The following TNRC6B variants were observed in gnomAD, a reference collection of about 807,000 sequenced individuals.
TNRC6B encodes trinucleotide repeat-containing gene 6B protein.
Under a neutral mutation model 203.6 loss-of-function variants are expected in TNRC6B, and 52 were observed. The ratio of observed to expected loss-of-function variants is 0.26; its 90% CI spans 0.20 to 0.32. The LOEUF is 0.32. Ranked by LOEUF, TNRC6B falls within the 10% of genes least tolerant of loss-of-function variation. TNRC6B has a pLI of 1.00. For missense variants in TNRC6B, 1,923 were observed against 2,286.2 expected (o/e 0.84, Z 3.24); for synonymous variants, 838 against 845.7 (o/e 0.99, Z 0.16).
intron 1 of TNRC6B, among the ~76,000 whole-genome samples, chr22:40,054,723 T>C (rs766861283): frequency 1.3e-5 from 2 of 152,178 alleles, no homozygotes; most frequent in Non-Finnish European, 2.9e-5. Flanking sequence ...AGAAAGAGAA[T>C]TTAAAATAGA....
intron 1 of TNRC6B, among the ~76,000 whole-genome samples, chr22:40,049,293 C>G (rs908205988): frequency 6.6e-6 from 1 of 151,900 alleles, no homozygotes; most frequent in African/African-American, 2.4e-5. Context: ...TCCCAAAGTG[C>G]TAGGACACGG....
intron 3 of TNRC6B, among the ~76,000 whole-genome samples, chr22:40,146,304 G>C (rs1263247096): frequency 1.3e-5 from 2 of 152,190 alleles, no homozygotes; most frequent in African/African-American, 2.4e-5. Context: ...CAGCTGGGCT[G>C]GTAGGGGAAG....
At chr22:40,111,492 C>A (rs1395938596) in intron 1 of TNRC6B, among the ~76,000 whole-genome samples, 1 of 152,114 alleles carries the variant, frequency 6.6e-6, no homozygotes, top group Non-Finnish European at 1.5e-5. Flanking sequence ...GAAGCTATGC[C>A]AGAAGCAGGG....
In TNRC6B at chr22:40,310,784, T is replaced by C. The variant is rs745611884; in HGVS notation, c.4259-33T>C. The C allele has an allele frequency of 2.0e-5, 32 of 1,590,596 alleles. No individual in the cohort carries two copies. The East Asian group carries it at 4.3e-4, about 21-fold the overall frequency. On this transcript the variant is annotated intron_variant, in intron 16 of 22. Transcript: ENST00000454349. ...AGACAAGTTCTATTCATAGGAGTTA[T>C]TCTGGATGATTTAATTTCCTCTCTT...
chr22:40,278,128 T>C (rs1390298820), intron 9 of TNRC6B, 84 bp downstream of exon 9: 1 of 1,037,902 alleles, frequency 9.6e-7, no homozygotes, highest in Non-Finnish European at 1.5e-6. Context: ...TGATTAGGGA[T>C]AGGTGCAGTT....
intron 4 of TNRC6B, among the ~76,000 whole-genome samples, chr22:40,165,342 A>G (rs2068909964): frequency 6.6e-6 from 1 of 151,628 alleles, no homozygotes; most frequent in African/African-American, 2.4e-5. Context: ...ATGCCTGGCT[A>G]ATTTTTTTGT....
rs548519283 is a variant in TNRC6B, at chr22:40,240,344, G to A, written c.6-5671G>A. On this transcript the variant is annotated intron_variant, in intron 1 of 22. Coordinates refer to ENST00000454349, the MANE Select transcript of TNRC6B (RefSeq NM_001162501.2). ...CCTGCACAGTACCTCCCACACATTCGTCCCCTGCAGAGGCAATATTAAACC... is the reference window on the plus strand; with the variant it reads ...CCTGCACAGTACCTCCCACACATTCATCCCCTGCAGAGGCAATATTAAACC... 7.8e-4 allele frequency among the ~76,000 whole-genome samples: 118 copies of A among 152,148 alleles called. 1 individual carries two copies. The highest frequency in any genetic ancestry group is 2.5e-3 in the African/African-American group (103 of 41,504).
intron 15 of TNRC6B, among the ~76,000 whole-genome samples, chr22:40,306,518 G>C (rs772094077): frequency 2.6e-5 from 4 of 152,160 alleles, no homozygotes; most frequent in Non-Finnish European, 5.9e-5. Flanking sequence ...CCTTGGCCTG[G>C]TTTTCTCAAA....
At position 40,251,203 on chromosome 22, in the gene TNRC6B, A is replaced by G. The variant is rs1279052046; in HGVS notation, c.115+3A>G. 17 of 1,531,694 alleles carry G rather than the reference A, an allele frequency of 1.1e-5. No homozygotes were observed. The highest frequency in any genetic ancestry group is 1.4e-5 in the Non-Finnish European group (16 of 1,135,658). 94.9% of individuals were successfully genotyped at this position (1,531,694 alleles called of 1,614,324 possible). On this transcript the variant is annotated splice_donor_region_variant and intron_variant, in intron 3 of 22. Coordinates refer to ENST00000454349, the MANE Select transcript of TNRC6B (RefSeq NM_001162501.2). ...GGTCACGGAACAAAAAACCAAAGGTAAGATCTTTTTTTTCTTTTTAAATTA... is the reference window on the plus strand; with the variant it reads ...GGTCACGGAACAAAAAACCAAAGGTGAGATCTTTTTTTTCTTTTTAAATTA...
At chr22:40,247,434 T>G (rs2070123947) in intron 2 of TNRC6B, among the ~76,000 whole-genome samples, 1 of 152,218 alleles carries the variant, frequency 6.6e-6, no homozygotes, top group Non-Finnish European at 1.5e-5. Context: ...TAACTCAATT[T>G]TTTGAATTAT....
At chr22:40,060,537 A>G (rs2067840739) in intron 1 of TNRC6B, among the ~76,000 whole-genome samples, 1 of 152,200 alleles carries the variant, frequency 6.6e-6, no homozygotes. Flanking sequence ...ATTTTATTGT[A>G]CCAAAGAATA....
intron 1 of TNRC6B, among the ~76,000 whole-genome samples, chr22:40,181,981 C>A (rs1315023777): frequency 4.0e-5 from 6 of 150,300 alleles, no homozygotes; most frequent in Admixed American, 1.3e-4. Context: ...CGTGGTGGCT[C>A]ACGCCTGTAA....
At chr22:40,257,439 G>A (rs570014130) in intron 3 of TNRC6B, among the ~76,000 whole-genome samples, 7 of 152,282 alleles carry the variant, frequency 4.6e-5, no homozygotes, top group South Asian at 2.1e-4. Context: ...AATGGAGGAC[G>A]GGCACGGTAG....
In TNRC6B at chr22:40,045,724, C is replaced by T. The variant is rs187276592; in HGVS notation, c.-121+726C>T. On this transcript the variant is annotated intron_variant, in intron 1 of 23. Coordinates refer to the TNRC6B transcript ENST00000301923. ...CCCGTGGTCCGGTGCCCTTCAGTTCCAGACTACCGGTTTATTCGGCTGTAG... is the reference window on the plus strand; with the variant it reads ...CCCGTGGTCCGGTGCCCTTCAGTTCTAGACTACCGGTTTATTCGGCTGTAG... 1.5e-3 allele frequency: 230 copies of T among 152,352 alleles called. 1 individual carries two copies. Among genetic ancestry groups the T allele is most frequent in the African/African-American group, 5.3e-3 (219 of 41,580 alleles). 9.4% of individuals were successfully genotyped at this position (152,352 alleles called of 1,614,324 possible). A position where few individuals can be genotyped will look rare whatever the true frequency, so the allele number is the denominator to read the frequency against.
At chr22:40,262,913 T>C (rs1262489356) in intron 4 of TNRC6B, among the ~76,000 whole-genome samples, 9 of 151,714 alleles carry the variant, frequency 5.9e-5, no homozygotes, top group African/African-American at 1.7e-4. Flanking sequence ...GGTGGCGGGC[T>C]CCTGTAGTCC....
intron 13 of TNRC6B, 100 bp from the exon 14 acceptor site, chr22:40,300,810 G>C (rs2146548009): frequency 7.8e-7 from 1 of 1,278,872 alleles, no homozygotes; most frequent in East Asian, 2.5e-5. Context: ...GGATACTTTT[G>C]ATTGTGTGAC....
intron 3 of TNRC6B, among the ~76,000 whole-genome samples, chr22:40,139,402 G>C (rs1415173425): frequency 1.3e-5 from 2 of 150,436 alleles, no homozygotes; most frequent in African/African-American, 2.5e-5. Context: ...TGCGATCCTG[G>C]CTAACTGCAG....
chr22:40,216,945 G>A (rs1237493241), intron 1 of TNRC6B, among the ~76,000 whole-genome samples: 2 of 152,098 alleles, frequency 1.3e-5, no homozygotes, highest in Non-Finnish European at 2.9e-5. Flanking sequence ...TCCCAAATTG[G>A]AGGTTTTGAT....
At chr22:40,294,735 C>G (rs771771211) in intron 12 of TNRC6B, among the ~76,000 whole-genome samples, 2 of 152,142 alleles carry the variant, frequency 1.3e-5, no homozygotes, top group Non-Finnish European at 2.9e-5. Flanking sequence ...CCCCCAGACT[C>G]AAATTATAGT....
Sources: gnomAD v4.1 joint callset for allele counts (sites outside exome capture counted in the v4.1 genomes callset) on GRCh38, gnomAD v4.1.1 for gene constraint, MANE v1.5 for transcripts, NCBI Gene and HGNC (gene_info 2026-07-23, HGNC 2026-07-21) for gene names.